Variants in SPOCK1 observed in about 807,000 individuals in gnomAD.
The protein encoded by SPOCK1 is testican-1.
Under a neutral mutation model 55.3 loss-of-function variants are expected in SPOCK1, and 23 were observed. That is an observed-to-expected ratio of 0.42 (90% CI 0.30 to 0.59). The LOEUF is 0.59. SPOCK1 is among the 20% of genes least tolerant of loss of function. SPOCK1 has a pLI of 0.22. For missense variants in SPOCK1, 499 were observed against 552.5 expected (o/e 0.90, Z 0.97); for synonymous variants, 226 against 221.0 (o/e 1.02, Z -0.20).
intron 2 of SPOCK1, among the ~76,000 whole-genome samples, chr5:137,466,933 G>A (rs1753634898): frequency 6.6e-6 from 1 of 152,244 alleles, no homozygotes; most frequent in East Asian, 1.9e-4. Flanking sequence ...CAAGGGATCT[G>A]CCAAGGTTTC....
At chr5:137,131,427 G>C (rs944553293) in intron 4 of SPOCK1, among the ~76,000 whole-genome samples, 5 of 151,966 alleles carry the variant, frequency 3.3e-5, no homozygotes, top group African/African-American at 1.2e-4. Context: ...GGCTAACATG[G>C]TGAAACCTTG....
rs376217300 is a variant in SPOCK1 at position 137,123,592 on chromosome 5, C to T, written c.348-11031G>A. On this transcript the variant is annotated intron_variant, in intron 4 of 10. Transcript: ENST00000394945. ...TATTCCACAGCAGAACCAGACAGAA[C>T]CTATTCTACCTAGACCGTGTTGAAG... 2.6e-5 allele frequency among the ~76,000 whole-genome samples: 4 copies of T among 152,258 alleles called. No individual in the cohort carries two copies. In the East Asian group the frequency reaches 5.8e-4, roughly 22 times the overall value.
chr5:137,431,909 A>G (rs759122761), intron 2 of SPOCK1, among the ~76,000 whole-genome samples: 8 of 152,350 alleles, frequency 5.3e-5, no homozygotes, highest in Non-Finnish European at 1.0e-4. Flanking sequence ...GCAACACAAA[A>G]TGGACTAAGA....
chr5:137,343,450 G>GAAGAAGGGCCCC (rs1750484114), intron 2 of SPOCK1, among the ~76,000 whole-genome samples: 1 of 152,182 alleles, frequency 6.6e-6, no homozygotes, highest in African/African-American at 2.4e-5. Flanking sequence ...TTCAACAGTG[G>GAAGAAGGGCCCC]AAGAAGGGCC....
At chr5:137,130,114 T>C (rs1753845872) in intron 4 of SPOCK1, among the ~76,000 whole-genome samples, 1 of 152,192 alleles carries the variant, frequency 6.6e-6, no homozygotes, top group Admixed American at 6.5e-5. Flanking sequence ...GAGTCACCCA[T>C]GCTAGACTTC....
intron 6 of SPOCK1, among the ~76,000 whole-genome samples, chr5:137,000,817 C>T (rs542288315): frequency 1.3e-5 from 2 of 152,040 alleles, no homozygotes; most frequent in Non-Finnish European, 2.9e-5. Context: ...GCCAACTCAC[C>T]TGAGGTCAGG....
chr5:137,160,622 TTTTATATA>T (rs1754529387), intron 3 of SPOCK1, among the ~76,000 whole-genome samples: 4 of 76,896 alleles, frequency 5.2e-5, no homozygotes, highest in African/African-American at 2.3e-4. Context: ...ATAATATATA[TTTTATATA>T]ATATATAATA....
chr5:137,436,540 T>G (rs552235355), intron 2 of SPOCK1, among the ~76,000 whole-genome samples: 1 of 152,170 alleles, frequency 6.6e-6, no homozygotes, highest in South Asian at 2.1e-4. Flanking sequence ...GAAATGTAAA[T>G]CTCCTCTATT....
chr5:137,144,463 T>C (rs938255794), intron 3 of SPOCK1, among the ~76,000 whole-genome samples: 2 of 152,242 alleles, frequency 1.3e-5, no homozygotes, highest in Non-Finnish European at 1.5e-5. Flanking sequence ...ACTTCAAACA[T>C]GTATGCAAAT....
chr5:137,141,295 A>G (rs1489303647), intron 3 of SPOCK1, among the ~76,000 whole-genome samples: 1 of 152,196 alleles, frequency 6.6e-6, no homozygotes, highest in Non-Finnish European at 1.5e-5. Context: ...AGAATCTCAC[A>G]TGATCCAAGA....
At chr5:136,984,470 A>C (rs1750801706) in intron 9 of SPOCK1, among the ~76,000 whole-genome samples, 1 of 152,106 alleles carries the variant, frequency 6.6e-6, no homozygotes, top group Non-Finnish European at 1.5e-5. Flanking sequence ...TCTTCAGCAA[A>C]CCAATGAGAA....
intron 3 of SPOCK1, among the ~76,000 whole-genome samples, chr5:137,193,884 T>C (rs17777871): frequency 0.41 from 62,302 of 152,034 alleles, 13,625 homozygotes; most frequent in Non-Finnish European, 0.48. Context: ...AGGGTGCCGG[T>C]AATTTATTTC....
At chr5:137,399,771 T>A (rs1000070296) in intron 2 of SPOCK1, among the ~76,000 whole-genome samples, 37 of 152,162 alleles carry the variant, frequency 2.4e-4, no homozygotes, top group Non-Finnish European at 4.4e-4. Flanking sequence ...AAATTATTTT[T>A]TAAAAAAAAA....
intron 3 of SPOCK1, among the ~76,000 whole-genome samples, chr5:137,232,288 A>C (rs1756078680): frequency 6.6e-6 from 1 of 152,070 alleles, no homozygotes; most frequent in Non-Finnish European, 1.5e-5. Context: ...GAAGATTTTT[A>C]ATGTTTTTTT....
At chr5:137,329,968 G>A (rs1758140736) in intron 2 of SPOCK1, among the ~76,000 whole-genome samples, 1 of 152,134 alleles carries the variant, frequency 6.6e-6, no homozygotes, top group South Asian at 2.1e-4. Flanking sequence ...TAGGCTCAGT[G>A]GGAATTAACT....
chr5:137,338,303 A>G (rs982521700), intron 2 of SPOCK1, among the ~76,000 whole-genome samples: 4 of 152,050 alleles, frequency 2.6e-5, no homozygotes, highest in African/African-American at 9.7e-5. Flanking sequence ...TTTGCTGAGA[A>G]TGATGGTTTC....
intron 2 of SPOCK1, among the ~76,000 whole-genome samples, chr5:137,478,980 C>T (rs936706277): frequency 5.3e-5 from 8 of 152,006 alleles, no homozygotes; most frequent in African/African-American, 1.7e-4. Context: ...CCTGCTCCCC[C>T]AGTCTGTATA....
At chr5:137,447,163 GA>G (rs1026718471) in intron 2 of SPOCK1, among the ~76,000 whole-genome samples, 2 of 152,220 alleles carry the variant, frequency 1.3e-5, no homozygotes, top group African/African-American at 4.8e-5. Context: ...CTCATAAGCA[GA>G]AATGTCTGTT....
At chr5:137,370,417 G>A (rs1410530725) in intron 2 of SPOCK1, among the ~76,000 whole-genome samples, 1 of 152,200 alleles carries the variant, frequency 6.6e-6, no homozygotes, top group Non-Finnish European at 1.5e-5. Flanking sequence ...GCTCTAACAG[G>A]CATTGGATGT....
Sources: gnomAD v4.1 joint callset for allele counts (sites outside exome capture counted in the v4.1 genomes callset) on GRCh38, gnomAD v4.1.1 for gene constraint, MANE v1.5 for transcripts, NCBI Gene and HGNC (gene_info 2026-07-23, HGNC 2026-07-21) for gene names.